The following SUCO variants were observed in gnomAD, a reference collection of about 807,000 sequenced individuals.
SUCO encodes SUN domain-containing ossification factor.
SUCO carries 57 observed loss-of-function variants against 148.1 expected under a neutral mutation model. The observed-to-expected ratio is 0.38, with a 90% CI of 0.31 to 0.48. The LOEUF (loss-of-function observed/expected upper bound fraction) is 0.48, where lower values mean the gene tolerates loss of function less well. SUCO is among the 20% of genes least tolerant of loss of function. The pLI is 0.96. For missense variants in SUCO, 1,331 were observed against 1,468.2 expected, an observed-to-expected ratio of 0.91 and a Z score of 1.53; for synonymous variants, 470 against 502.7, an observed-to-expected ratio of 0.93 and a Z score of 0.87.
chr1:172,588,362 T>C, intron 17 of SUCO: 1 of 985,370 alleles, frequency 1.0e-6, no homozygotes, highest in South Asian at 4.7e-5. Context: ...TTAAGCTAGC[T>C]CTTAGTTGGC....
intron 1 of SUCO, among the ~76,000 whole-genome samples, chr1:172,534,533 A>C (rs1159780066): frequency 6.6e-6 from 1 of 152,222 alleles, no homozygotes; most frequent in African/African-American, 2.4e-5. Context: ...AATAATACAT[A>C]AACAAGGGGA....
chr1:172,599,993 A>G (rs1657392728), intron 19 of SUCO, 71 bp from the exon 20 acceptor site: 3 of 1,039,954 alleles, frequency 2.9e-6, no homozygotes, highest in African/African-American at 1.7e-5. Context: ...TTTTTAGATT[A>G]TTTGACTTCA....
chr1:172,602,001 TAC>T, intron 20 of SUCO, 61 bp from the exon 21 acceptor site: 2 of 1,433,780 alleles, frequency 1.4e-6, no homozygotes, highest in South Asian at 1.5e-5. Flanking sequence ...GAATTTTAGA[TAC>T]CCTTATATTT....
intron 11 of SUCO, chr1:172,577,038 G>A (rs948226836): frequency 3.0e-5 from 23 of 765,022 alleles, no homozygotes; most frequent in Admixed American, 6.3e-5. Context: ...TACTTTCCCC[G>A]AAATAAGTTG....
intron 1 of SUCO, chr1:172,544,088 T>C: frequency 1.5e-6 from 1 of 682,228 alleles, no homozygotes; most frequent in Non-Finnish European, 1.8e-6. Context: ...GTAAATTTTT[T>C]CAGATATCCA....
chr1:172,542,708 T>C (rs1571178790), intron 1 of SUCO: 1 of 985,230 alleles, frequency 1.0e-6, no homozygotes, highest in South Asian at 4.7e-5. Context: ...TGCCAAAAGG[T>C]TGGGGACCGC....
At chr1:172,562,649 G>C (rs1337415758) in intron 6 of SUCO, among the ~76,000 whole-genome samples, 1 of 152,178 alleles carries the variant, frequency 6.6e-6, no homozygotes, top group Non-Finnish European at 1.5e-5. Flanking sequence ...CCATTCTTTA[G>C]AAAGTGTATT....
At chr1:172,588,572 TATC>T (rs1381634082) in intron 17 of SUCO, 185 bp from the exon 18 acceptor site, 1 of 985,064 alleles carries the variant, frequency 1.0e-6, no homozygotes, top group African/African-American at 1.7e-5. Flanking sequence ...GTATTTCTCT[TATC>T]ATTTCTGAGC....
chr1:172,602,969 A>G (rs567867103), intron 22 of SUCO, 182 bp downstream of exon 22: 11 of 549,960 alleles, frequency 2.0e-5, no homozygotes, highest in African/African-American at 1.9e-4. Context: ...TTTGTTCCTA[A>G]AAGCCCAGAG....
rs575899039 is a variant in SUCO, at chr1:172,557,592, T to G, written c.582-52T>G. The G allele has an allele frequency of 2.0e-6, 3 of 1,503,552 alleles. No homozygotes were observed. In the African/African-American group the frequency reaches 4.2e-5, roughly 21 times the overall value. The allele number at this position is 1,503,552 out of a possible 1,614,324, so 93.1% of individuals were successfully genotyped here. ...TTCAAAGAATTTAGATTGTATAGAA[T>G]TTGTTATCCAGTAAAATCTGTTTAT... On this transcript the variant is annotated intron_variant, in intron 5 of 23. Transcript: ENST00000263688.
At chr1:172,571,593 C>T (rs1193526041) in intron 9 of SUCO, among the ~76,000 whole-genome samples, 1 of 143,314 alleles carries the variant, frequency 7.0e-6, no homozygotes, top group Non-Finnish European at 1.5e-5. Flanking sequence ...TGCCCGGCCG[C>T]CATCCCATCT....
In SUCO at chr1:172,589,169, A is replaced by G. The variant is rs1571264591; in HGVS notation, c.2068A>G (p.Ile690Val). The stretch of plus-strand genomic sequence containing the variant: ...GAGTGGAGAATTGGAAAATACGAAT[A>G]TAGAAAGGGAAGCTGAAACTGTTGT... ...PLSGELENTN[I>V]EREAETVVLG... Residue 690 changes from isoleucine (I) to valine (V), a missense_variant, in exon 18 of 24, where the codon ATA (isoleucine) becomes GTA (valine). Ile to Val is a conservative substitution (Grantham distance 29). This residue lies in a region of SUCO where 992 missense variants were observed against 1,093.5 expected (regional missense o/e 0.91). Transcript: ENST00000263688. 2 of 1,614,006 alleles carry G rather than the reference A, an allele frequency of 1.2e-6. No individual in the cohort carries two copies. The highest frequency in any genetic ancestry group is 2.2e-5 in the East Asian group (1 of 44,886).
intron 6 of SUCO, among the ~76,000 whole-genome samples, chr1:172,565,206 A>G (rs1484914721): frequency 6.6e-6 from 1 of 152,128 alleles, no homozygotes. Flanking sequence ...TGGAGAACCT[A>G]CCTGGTAGTG....
chr1:172,606,152 A>G (rs542182335), intron 22 of SUCO, among the ~76,000 whole-genome samples: 1 of 151,710 alleles, frequency 6.6e-6, no homozygotes, highest in East Asian at 1.9e-4. Context: ...ATTTCTACAT[A>G]ATTTTGTTAG....
At chr1:172,548,811 T>G (rs1313426635) in intron 1 of SUCO, among the ~76,000 whole-genome samples, 1 of 152,006 alleles carries the variant, frequency 6.6e-6, no homozygotes, top group East Asian at 1.9e-4. Context: ...CACGTGTCCT[T>G]GAGAAGAATG....
At chr1:172,549,589 C>A (rs1204718038) in intron 1 of SUCO, among the ~76,000 whole-genome samples, 1 of 151,850 alleles carries the variant, frequency 6.6e-6, no homozygotes, top group African/African-American at 2.4e-5. Context: ...AGAATGCTTT[C>A]TTCTGTAATG....
intron 1 of SUCO, among the ~76,000 whole-genome samples, chr1:172,549,072 T>G (rs1399851865): frequency 6.6e-6 from 1 of 151,944 alleles, no homozygotes; most frequent in Non-Finnish European, 1.5e-5. Flanking sequence ...CTTAATAACA[T>G]AATGTTTTCC....
At chr1:172,534,100 A>G (rs760017629) in intron 1 of SUCO, among the ~76,000 whole-genome samples, 18 of 152,118 alleles carry the variant, frequency 1.2e-4, no homozygotes, top group Non-Finnish European at 2.6e-4. Flanking sequence ...AGGGTGTCTT[A>G]GATGTAGTGT....
intron 6 of SUCO, among the ~76,000 whole-genome samples, chr1:172,568,024 TTA>T (rs1051535493): frequency 1.3e-4 from 20 of 152,318 alleles, no homozygotes; most frequent in Non-Finnish European, 2.4e-4. Flanking sequence ...CATTAGAATC[TTA>T]TATGAGTGTG....
Sources: gnomAD v4.1 joint callset for allele counts (sites outside exome capture counted in the v4.1 genomes callset) on GRCh38, gnomAD v4.1.1 for gene constraint, gnomAD v4.1.1 regional missense constraint, MANE v1.5 for transcripts, NCBI Gene and HGNC (gene_info 2026-07-23, HGNC 2026-07-21) for gene names.